Variants in CCNJL observed in about 807,000 individuals in gnomAD.
CCNJL encodes the protein cyclin J like, also known as cyclin-J-like protein.
In CCNJL, 33 loss-of-function variants were observed where a neutral mutation model predicts 33.4. The observed-to-expected ratio is 0.99, with a 90% CI of 0.75 to 1.32. The LOEUF (loss-of-function observed/expected upper bound fraction) is 1.32, where lower values mean the gene tolerates loss of function less well. CCNJL is among the 40% of genes most tolerant of loss of function. CCNJL has a pLI of 0.00. For synonymous variants in CCNJL, 227 were observed against 220.9 expected (o/e 1.03, Z -0.24); for missense variants, 512 against 499.7 (o/e 1.02, Z -0.23).
chr5:160,268,017 A>T (rs1761679223), intron 3 of CCNJL, among the ~76,000 whole-genome samples: 1 of 152,236 alleles, frequency 6.6e-6, no homozygotes, highest in African/African-American at 2.4e-5. Context: ...CTCTAACAGG[A>T]AACTTTTTGT....
chr5:160,280,171 C>A (rs1762158728), intron 3 of CCNJL, among the ~76,000 whole-genome samples: 1 of 152,164 alleles, frequency 6.6e-6, no homozygotes, highest in Admixed American at 6.5e-5. Context: ...CAGGTTCTGG[C>A]ACCAGGCAGT....
intron 2 of CCNJL, among the ~76,000 whole-genome samples, chr5:160,303,792 CTCTT>C (rs1188263975): frequency 6.6e-6 from 1 of 151,808 alleles, no homozygotes; most frequent in African/African-American, 2.4e-5. Context: ...GCAGTGTCAC[CTCTT>C]TCTGCCAGGT....
chr5:160,310,289 C>T (rs144181304), intron 2 of CCNJL, among the ~76,000 whole-genome samples: 2 of 152,300 alleles, frequency 1.3e-5, no homozygotes, highest in East Asian at 3.9e-4. Flanking sequence ...TGGATTTCTT[C>T]TTGTCCAGAT....
At chr5:160,267,805 T>C (rs116603648) in intron 3 of CCNJL, among the ~76,000 whole-genome samples, 2,335 of 152,338 alleles carry the variant, frequency 0.015, 58 homozygotes, top group African/African-American at 0.053. Context: ...CAAGTGATCT[T>C]CCTGCTTCGG....
chr5:160,321,019 TTTC>T (rs1465490780), intron 1 of CCNJL, among the ~76,000 whole-genome samples: 1 of 18,484 alleles, frequency 5.4e-5, no homozygotes, highest in Non-Finnish European at 1.1e-4. Context: ...TCTCTCTTTC[TTTC>T]TTTCTTTCTT....
intron 2 of CCNJL, among the ~76,000 whole-genome samples, chr5:160,300,411 C>T (rs187955388): frequency 7.9e-5 from 12 of 152,296 alleles, no homozygotes; most frequent in Admixed American, 2.6e-4. Context: ...CCCTTCCTCT[C>T]GCCTTGCCAT....
chr5:160,266,975 A>G (rs1476357936), intron 3 of CCNJL, among the ~76,000 whole-genome samples: 1 of 152,158 alleles, frequency 6.6e-6, no homozygotes, highest in Non-Finnish European at 1.5e-5. Flanking sequence ...GTTGCGTCCA[A>G]GGCCTTTCCC....
intron 2 of CCNJL, among the ~76,000 whole-genome samples, chr5:160,302,515 A>C (rs1762955679): frequency 6.6e-6 from 1 of 152,196 alleles, no homozygotes; most frequent in Non-Finnish European, 1.5e-5. Flanking sequence ...TAAAATCTAC[A>C]CATTAAAATA....
At chr5:160,311,795 G>C (rs1277210101) in intron 2 of CCNJL, 63 bp downstream of exon 2, 2 of 1,500,274 alleles carry the variant, frequency 1.3e-6, no homozygotes, top group Admixed American at 1.7e-5. Flanking sequence ...CTGAGAACAC[G>C]AAGTCGAGAC....
At chr5:160,338,197 A>G (rs13182537) in intron 1 of CCNJL, among the ~76,000 whole-genome samples, 89,145 of 151,994 alleles carry the variant, frequency 0.59, 26,307 homozygotes, top group African/African-American at 0.64. Context: ...AGAAGTTGGA[A>G]GCCACCCTGG....
At chr5:160,267,897 G>A (rs1263823380) in intron 3 of CCNJL, among the ~76,000 whole-genome samples, 2 of 152,046 alleles carry the variant, frequency 1.3e-5, no homozygotes, top group Non-Finnish European at 2.9e-5. Flanking sequence ...TCTCTCCTTT[G>A]CTTACGCTAC....
chr5:160,283,529 A>G (rs542323788), intron 2 of CCNJL, among the ~76,000 whole-genome samples: 1 of 152,334 alleles, frequency 6.6e-6, no homozygotes, highest in South Asian at 2.1e-4. Flanking sequence ...TTTGTGTGGT[A>G]CAGGAGACGT....
upstream of CCNJL, chr5:160,312,883 A>G (rs1214877703): frequency 6.6e-6 from 1 of 150,674 alleles, no homozygotes; most frequent in South Asian, 2.1e-4. Context: ...TTCCGCGCGC[A>G]CTGCTCTAGC....
At chr5:160,313,896 G>A (rs961125522), upstream of CCNJL, among the ~76,000 whole-genome samples, 4 of 152,268 alleles carry the variant, frequency 2.6e-5, no homozygotes, top group African/African-American at 7.2e-5. Flanking sequence ...GCGGGGCGCG[G>A]TGGCTCACGC....
chr5:160,287,604 C>A (rs1204708755), intron 2 of CCNJL, among the ~76,000 whole-genome samples: 1 of 152,242 alleles, frequency 6.6e-6, no homozygotes, highest in African/African-American at 2.4e-5. Context: ...CTGCATTCCT[C>A]CCCAGGCACT....
intron 3 of CCNJL, among the ~76,000 whole-genome samples, chr5:160,267,425 T>C (rs1033939495): frequency 1.3e-5 from 2 of 152,186 alleles, no homozygotes; most frequent in African/African-American, 4.8e-5. Context: ...AGGGAACAAA[T>C]CTGTCTTGCA....
Position 160,253,299 on chromosome 5 carries a change from A to G in CCNJL, c.*79T>C. 3 of 1,409,824 alleles carry G rather than the reference A, an allele frequency of 2.1e-6. No homozygotes were observed. Among genetic ancestry groups the G allele is most frequent in the Non-Finnish European group, 2.9e-6 (3 of 1,048,266 alleles). The allele number at this position is 1,409,824 out of a possible 1,614,324, so 87.3% of individuals were successfully genotyped here. On this transcript the variant is annotated 3_prime_UTR_variant, in exon 6 of 6. Transcript: ENST00000257536. The stretch of plus-strand genomic sequence containing the variant: ...TTCAGGGATGGCCTCCTGCTGCCTC[A>G]CTTGGCTGAGCTCTCCTCTTCAGTG...
chr5:160,299,195 G>GCGC (rs1762847368), intron 2 of CCNJL, among the ~76,000 whole-genome samples: 1 of 151,976 alleles, frequency 6.6e-6, no homozygotes, highest in Non-Finnish European at 1.5e-5. Context: ...TGTTGCCCAG[G>GCGC]CTGGAGCACA....
At chr5:160,307,878 C>T (rs1763142527) in intron 2 of CCNJL, among the ~76,000 whole-genome samples, 1 of 152,166 alleles carries the variant, frequency 6.6e-6, no homozygotes, top group South Asian at 2.1e-4. Context: ...GGAGAGATTT[C>T]TCCAGAGCAA....
Sources: gnomAD v4.1 joint callset for allele counts (sites outside exome capture counted in the v4.1 genomes callset) on GRCh38, gnomAD v4.1.1 for gene constraint, MANE v1.5 for transcripts, NCBI Gene and HGNC (gene_info 2026-07-23, HGNC 2026-07-21) for gene names.